TM9SF3: variants seen among roughly 807,000 people sequenced by gnomAD.
TM9SF3 encodes SM-11044-binding protein.
In TM9SF3, 14 loss-of-function variants were observed where a neutral mutation model predicts 78.6. The observed-to-expected ratio is 0.18, with a 90% CI of 0.12 to 0.28. The LOEUF (loss-of-function observed/expected upper bound fraction) is 0.28, where lower values mean the gene tolerates loss of function less well. Among genes scored for constraint, TM9SF3 ranks in the 10% least tolerant of loss-of-function variants. The probability of loss-of-function intolerance (pLI) is 1.00; values close to 1 mark genes in which losing one functional copy is unlikely to be tolerated. For synonymous variants in TM9SF3, 231 were observed against 241.7 expected (o/e 0.96, Z 0.41); for missense variants, 496 against 721.9 (o/e 0.69, Z 3.59).
At chr10:96,529,785 C>T (rs1435150062) in intron 11 of TM9SF3, among the ~76,000 whole-genome samples, 3 of 152,132 alleles carry the variant, frequency 2.0e-5, no homozygotes, top group Non-Finnish European at 4.4e-5. Context: ...TAAGGAGACT[C>T]CTACCATACA....
chr10:96,586,869 CG>C lies in TM9SF3; in HGVS notation c.-35del. 8.4e-7 allele frequency: 1 copy of C among 1,186,778 alleles called. No homozygotes were observed. Among genetic ancestry groups the C allele is most frequent in the Non-Finnish European group, 1.0e-6 (1 of 963,110 alleles). 73.5% of individuals were successfully genotyped at this position (1,186,778 alleles called of 1,614,324 possible). On this transcript the variant is annotated 5_prime_UTR_variant, in exon 1 of 15. It removes the in-frame stop codon of an upstream open reading frame in the 5' UTR. Transcript: ENST00000371142. ...CCCCTCCGGCCCGGAGCCGGCTCAC[CG>C]ACTCCTCCTCCCGCCGCCGCCTCCT... is the stretch of plus-strand genomic sequence containing the variant.
Position 96,586,977 on chromosome 10 carries a change from C to T in TM9SF3, c.-142G>A, listed in dbSNP as rs984015886. 3.4e-6 allele frequency: 2 copies of T among 582,746 alleles called. No homozygotes were observed. Among genetic ancestry groups the T allele is most frequent in the South Asian group, 7.7e-5 (1 of 12,976 alleles). The allele number at this position is 582,746 out of a possible 1,614,324, so 36.1% of individuals were successfully genotyped here. ...ACGGGGCCCGGCCCAGCCGCTGCCTCCTCTGCCGCCGCCGTCGCCGTCACC... is the reference window on the plus strand; with the variant it reads ...ACGGGGCCCGGCCCAGCCGCTGCCTTCTCTGCCGCCGCCGTCGCCGTCACC... On this transcript the variant is annotated 5_prime_UTR_variant, in exon 1 of 15. Coordinates refer to ENST00000371142, the MANE Select transcript of TM9SF3 (RefSeq NM_020123.4).
chr10:96,536,616 C>T (rs1373599680), intron 9 of TM9SF3, among the ~76,000 whole-genome samples: 1 of 152,096 alleles, frequency 6.6e-6, no homozygotes, highest in African/African-American at 2.4e-5. Context: ...GTAAACTGTT[C>T]AAGTCCACTT....
intron 9 of TM9SF3, among the ~76,000 whole-genome samples, chr10:96,538,345 C>CTT (rs1847983331): frequency 6.6e-6 from 1 of 152,064 alleles, no homozygotes; most frequent in East Asian, 1.9e-4. Context: ...AAACAAAACC[C>CTT]CTCTGGCCCT....
chr10:96,530,667 C>T, intron 10 of TM9SF3, 59 bp from the exon 11 acceptor site: 3 of 1,414,932 alleles, frequency 2.1e-6, no homozygotes, highest in Non-Finnish European at 2.9e-6. Flanking sequence ...TATATAAACA[C>T]TGATAACAGA....
At chr10:96,542,460 G>A (rs1427896206) in intron 9 of TM9SF3, among the ~76,000 whole-genome samples, 1 of 151,916 alleles carries the variant, frequency 6.6e-6, no homozygotes, top group Non-Finnish European at 1.5e-5. Context: ...ATTATCTAAA[G>A]GCAAATTACA....
At chr10:96,523,099 T>C (rs569394752) in intron 14 of TM9SF3, among the ~76,000 whole-genome samples, 4 of 152,022 alleles carry the variant, frequency 2.6e-5, no homozygotes, top group African/African-American at 9.6e-5. Flanking sequence ...TAGATGGTTC[T>C]TTATTGCAAA....
chr10:96,553,301 A>T (rs1848195867), intron 5 of TM9SF3, among the ~76,000 whole-genome samples: 1 of 152,224 alleles, frequency 6.6e-6, no homozygotes, highest in East Asian at 1.9e-4. Context: ...AAATTTTCAA[A>T]ATCAAATTTA....
intron 4 of TM9SF3, chr10:96,560,658 G>T: frequency 1.6e-6 from 1 of 620,418 alleles, no homozygotes; most frequent in Non-Finnish European, 3.1e-6. Context: ...AAAACTTGCT[G>T]CTGATGAAGA....
intron 2 of TM9SF3, among the ~76,000 whole-genome samples, chr10:96,570,161 T>G (rs995157037): frequency 9.9e-5 from 15 of 152,200 alleles, no homozygotes; most frequent in African/African-American, 3.6e-4. Context: ...ACAAAAACTA[T>G]ATATAACTTA....
chr10:96,554,479 T>C (rs996383554), intron 5 of TM9SF3, among the ~76,000 whole-genome samples: 2 of 152,172 alleles, frequency 1.3e-5, no homozygotes, highest in Admixed American at 6.6e-5. Flanking sequence ...CTGCCACATC[T>C]GACCTTTCCT....
chr10:96,573,382 C>T (rs1486623455), intron 2 of TM9SF3, among the ~76,000 whole-genome samples: 1 of 152,096 alleles, frequency 6.6e-6, no homozygotes, highest in Non-Finnish European at 1.5e-5. Flanking sequence ...TATCTTTGAA[C>T]ACAGCAAGCA....
intron 9 of TM9SF3, among the ~76,000 whole-genome samples, chr10:96,538,639 A>C (rs1016681712): frequency 2.0e-5 from 3 of 152,210 alleles, no homozygotes; most frequent in African/African-American, 7.2e-5. Flanking sequence ...TACATATAAG[A>C]CAAAAGACTT....
intron 2 of TM9SF3, among the ~76,000 whole-genome samples, chr10:96,573,445 C>G (rs1328993821): frequency 6.6e-6 from 1 of 152,212 alleles, no homozygotes; most frequent in Non-Finnish European, 1.5e-5. Flanking sequence ...ACTATTTCAT[C>G]TGGACCACTT....
chr10:96,522,375 C>G (rs1363368064), intron 14 of TM9SF3, 45 bp from the exon 15 acceptor site: 2 of 1,431,866 alleles, frequency 1.4e-6, no homozygotes, highest in African/African-American at 3.0e-5. Context: ...ACATACAGAG[C>G]AGTATCCATC....
intron 7 of TM9SF3, among the ~76,000 whole-genome samples, chr10:96,550,831 C>T (rs1848161082): frequency 6.6e-6 from 1 of 151,686 alleles, no homozygotes; most frequent in Non-Finnish European, 1.5e-5. Context: ...ACAATGTTTT[C>T]TTCTACTCTG....
At chr10:96,563,265 T>C (rs1848331065) in intron 3 of TM9SF3, among the ~76,000 whole-genome samples, 1 of 152,178 alleles carries the variant, frequency 6.6e-6, no homozygotes, top group Admixed American at 6.5e-5. Flanking sequence ...TTTGTAGAGA[T>C]GAATCTCGTT....
chr10:96,532,564 T>C (rs1396706933), intron 10 of TM9SF3, among the ~76,000 whole-genome samples: 2 of 152,182 alleles, frequency 1.3e-5, no homozygotes, highest in Non-Finnish European at 2.9e-5. Flanking sequence ...AAATGTACAC[T>C]AAATTGTACA....
intron 8 of TM9SF3, among the ~76,000 whole-genome samples, chr10:96,545,802 T>G (rs1445853283): frequency 6.6e-6 from 1 of 152,166 alleles, no homozygotes; most frequent in Non-Finnish European, 1.5e-5. Flanking sequence ...GGTAGGAGAA[T>G]CGCTTGAACC....
Sources: allele counts gnomAD v4.1 joint callset (sites outside exome capture counted in the v4.1 genomes callset), GRCh38; gene constraint gnomAD v4.1.1; transcripts MANE v1.5; gene names NCBI Gene and HGNC (gene_info 2026-07-23, HGNC 2026-07-21).